Variants in CABIN1 observed in about 807,000 individuals in gnomAD.
CABIN1 encodes calcineurin binding protein 1, also known as calcineurin-binding protein cabin-1.
A neutral mutation model predicts 227.7 loss-of-function variants in CABIN1; 133 were observed. The ratio of observed to expected loss-of-function variants is 0.58; its 90% CI spans 0.51 to 0.67. The LOEUF (loss-of-function observed/expected upper bound fraction) is 0.67. CABIN1 is among the 30% of genes least tolerant of loss of function. CABIN1 has a pLI of 0.00. For synonymous variants in CABIN1, 1,086 were observed against 1,155.1 expected (o/e 0.94, Z 1.21); for missense variants, 2,408 against 2,852.5 (o/e 0.84, Z 3.55).
intron 23 of CABIN1, among the ~76,000 whole-genome samples, chr22:24,089,802 C>T (rs1476381527): frequency 6.6e-6 from 1 of 152,220 alleles, no homozygotes; most frequent in Non-Finnish European, 1.5e-5. Context: ...AGAACAAATG[C>T]TTTCCCCATG....
chr22:24,086,462 C>T (rs955061666), intron 22 of CABIN1, among the ~76,000 whole-genome samples: 1 of 152,258 alleles, frequency 6.6e-6, no homozygotes, highest in Non-Finnish European at 1.5e-5. Context: ...GCGTGGTCTC[C>T]CGTGGGATTG....
intron 27 of CABIN1, among the ~76,000 whole-genome samples, 160 bp from the exon 28 acceptor site, chr22:24,119,207 C>T (rs951669174): frequency 1.3e-5 from 2 of 152,212 alleles, no homozygotes; most frequent in African/African-American, 4.8e-5. Context: ...CAGCACTGGG[C>T]CCTGTGCCTC....
intron 6 of CABIN1, 49 bp from the exon 7 acceptor site, chr22:24,049,042 G>A (rs1439886266): frequency 1.9e-6 from 3 of 1,608,896 alleles, no homozygotes; most frequent in Non-Finnish European, 1.7e-6. Context: ...CAAGGCCAGA[G>A]CTTCTGAGTG....
chr22:24,150,153 G>T (rs1288228783), intron 29 of CABIN1, among the ~76,000 whole-genome samples: 2 of 152,226 alleles, frequency 1.3e-5, no homozygotes, highest in African/African-American at 4.8e-5. Flanking sequence ...GGCTCCAACT[G>T]CTGGGAGCCC....
Position 24,177,667 on chromosome 22 carries a change from G to T in CABIN1, c.6369G>T (p.Arg2123=). The change falls in exon 36 of 37, where the codon CGG becomes CGT. Residue 2123 remains arginine (R), a synonymous_variant. Coordinates refer to ENST00000263119, the MANE Select transcript of CABIN1 (RefSeq NM_012295.4). This position sits in a 1 kb window ranked among gnomAD's most constrained non-coding sequence, Gnocchi z 4.4. The part of the protein sequence containing the change: ...EGHPGKPEPS[R]AKSRPLPNMP... ...ACCCAGGCAAGCCTGAGCCCAGCCG[G>T]GCTAAGTCCCGCCCCCTGCCCAACA... 6.2e-7 allele frequency: 1 copy of T among 1,613,780 alleles called. No homozygotes were observed. Among genetic ancestry groups the T allele is most frequent in the Non-Finnish European group, 8.5e-7 (1 of 1,179,888 alleles).
chr22:24,148,014 A>G (rs150521950), intron 29 of CABIN1, among the ~76,000 whole-genome samples: 48 of 152,330 alleles, frequency 3.2e-4, no homozygotes, highest in African/African-American at 1.1e-3. Context: ...TGTGGCCACA[A>G]GAAGCTGCAG....
At chr22:24,176,352 G>C in intron 35 of CABIN1, 77 bp downstream of exon 35, 8 of 1,494,660 alleles carry the variant, frequency 5.4e-6, no homozygotes, top group Non-Finnish European at 7.2e-6. Context: ...TGGGTTTCCC[G>C]GCCTGGCCTT....
intron 2 of CABIN1, among the ~76,000 whole-genome samples, 196 bp downstream of exon 2, chr22:24,035,716 A>C (rs568111322): frequency 3.6e-4 from 55 of 152,166 alleles, no homozygotes; most frequent in African/African-American, 1.2e-3. Context: ...GGACCTTGTC[A>C]CAGTTGCTGG....
rs780096744 is a variant in CABIN1 at position 24,063,030 on chromosome 22, C to T, written c.1768C>T (p.Leu590=). The change falls in exon 14 of 37, where the codon CTG becomes TTG. Residue 590 remains leucine (L), a synonymous_variant. Coordinates refer to ENST00000263119, the MANE Select transcript of CABIN1 (RefSeq NM_012295.4). ...ACCTGACTTCCCAGGGACCCACTGC[C>T]TGGGTGACCTCCTACAGCTGTCATT... is the stretch of plus-strand genomic sequence containing the variant. ...FGPDFPGTHC[L]GDLLQLSFAS... 4.3e-6 allele frequency: 7 copies of T among 1,614,212 alleles called. No homozygotes were observed. In the East Asian group the frequency reaches 6.7e-5, roughly 15 times the overall value.
intron 30 of CABIN1, among the ~76,000 whole-genome samples, chr22:24,164,958 C>T (rs2046362477): frequency 6.6e-6 from 1 of 152,208 alleles, no homozygotes; most frequent in Non-Finnish European, 1.5e-5. Flanking sequence ...ACAGGGGTGC[C>T]TGGGCCTCAG....
At chr22:24,037,057 C>T (rs746102213) in intron 3 of CABIN1, among the ~76,000 whole-genome samples, 8 of 152,038 alleles carry the variant, frequency 5.3e-5, no homozygotes, top group South Asian at 4.2e-4. Context: ...GTCAGGAGTT[C>T]GAGACCAGCC....
At chr22:24,064,522 T>TG (rs2039449119) in intron 15 of CABIN1, among the ~76,000 whole-genome samples, 1 of 149,856 alleles carries the variant, frequency 6.7e-6, no homozygotes, top group Non-Finnish European at 1.5e-5. Context: ...GTTTTTTTTT[T>TG]TTTTTTTTTT....
chr22:24,028,009 A>G (rs1292393634), intron 1 of CABIN1, among the ~76,000 whole-genome samples: 1 of 152,116 alleles, frequency 6.6e-6, no homozygotes, highest in African/African-American at 2.4e-5. Context: ...GACCACTGCA[A>G]TAAAGTGAAT....
intron 29 of CABIN1, among the ~76,000 whole-genome samples, chr22:24,158,503 G>GA (rs2045968417): frequency 6.6e-6 from 1 of 152,184 alleles, no homozygotes; most frequent in Non-Finnish European, 1.5e-5. Flanking sequence ...GGTGATGTGG[G>GA]AAAATACATG....
At chr22:24,097,318 A>C (rs2041953132) in intron 25 of CABIN1, among the ~76,000 whole-genome samples, 1 of 152,230 alleles carries the variant, frequency 6.6e-6, no homozygotes, top group South Asian at 2.1e-4. Context: ...AATTTCCTAA[A>C]TCATTTTCTG....
chr22:24,075,700 G>T (rs759515766), intron 18 of CABIN1, among the ~76,000 whole-genome samples: 3 of 151,398 alleles, frequency 2.0e-5, no homozygotes, highest in Non-Finnish European at 2.9e-5. Context: ...AGCTATAATT[G>T]TGCCAACTGT....
intron 1 of CABIN1, among the ~76,000 whole-genome samples, chr22:24,024,083 G>A (rs1487738330): frequency 6.6e-6 from 1 of 151,960 alleles, no homozygotes; most frequent in Non-Finnish European, 1.5e-5. Flanking sequence ...TTGAATTGTA[G>A]GAGTTCTTTA....
chr22:24,081,630 T>A (rs2040811049), intron 19 of CABIN1, among the ~76,000 whole-genome samples: 1 of 152,206 alleles, frequency 6.6e-6, no homozygotes, highest in Admixed American at 6.5e-5. Flanking sequence ...TAATATTTCC[T>A]TTTACGTTCT....
At chr22:24,087,804 A>G in intron 23 of CABIN1, 91 bp downstream of exon 23, 1 of 1,513,854 alleles carries the variant, frequency 6.6e-7, no homozygotes, top group Non-Finnish European at 9.1e-7. Flanking sequence ...TTCGTACTTT[A>G]TTCTTGTCCA....
Sources: allele counts gnomAD v4.1 joint callset (sites outside exome capture counted in the v4.1 genomes callset), GRCh38; gene constraint gnomAD v4.1.1; non-coding constraint Gnocchi (gnomAD v3.1); transcripts MANE v1.5; gene names NCBI Gene and HGNC (gene_info 2026-07-23, HGNC 2026-07-21).